Variants in ASB18 observed in about 807,000 individuals in gnomAD.
ASB18 encodes ankyrin repeat and SOCS box protein 18.
In ASB18, 33 loss-of-function variants were observed where a neutral mutation model predicts 33.4. The ratio of observed to expected loss-of-function variants is 0.99; its 90% CI spans 0.75 to 1.32. The LOEUF is 1.32. Ranked by LOEUF, ASB18 falls within the 40% of genes most tolerant of loss-of-function variation. The probability of loss-of-function intolerance (pLI) is 0.00; values close to 1 mark genes in which losing one functional copy is unlikely to be tolerated. For missense variants in ASB18, 694 were observed against 655.5 expected (o/e 1.06, Z -0.64); for synonymous variants, 295 against 307.6 (o/e 0.96, Z 0.43).
intron 1 of ASB18, chr2:236,247,269 A>T (rs2106282928): frequency 6.9e-6 from 1 of 144,058 alleles, no homozygotes; most frequent in Non-Finnish European, 1.5e-5. Context: ...CCACATGTTG[A>T]TGATTACATT....
rs763420074 is a variant in ASB18, at chr2:236,262,832, G to A, written c.205+1309C>T. ...GCAAGAGAAGGTTCCTCCCTAAAGCGACTTGCTTAAGTCCCCACTGAAAGG... is the reference window on the plus strand; with the variant it reads ...GCAAGAGAAGGTTCCTCCCTAAAGCAACTTGCTTAAGTCCCCACTGAAAGG... On this transcript the variant is annotated intron_variant, in intron 1 of 5. Transcript: ENST00000409749. The surrounding 1 kb of genome is among the most constrained non-coding windows in gnomAD (Gnocchi z 5.2). Among the ~76,000 whole-genome samples, 1 of 152,016 alleles carries A rather than the reference G, an allele frequency of 6.6e-6. No homozygotes were observed. The highest frequency in any genetic ancestry group is 6.5e-5 in the Admixed American group (1 of 15,272).
chr2:236,215,836 A>G lies in ASB18; in HGVS notation c.597-970T>C, dbSNP rs2060485136. ...GCTCCCATAGTCACCTGCCATCGAT[A>G]AGGCCGCTCCAGCCTTGGAAGTCTG... On this transcript the variant is annotated intron_variant, in intron 3 of 5. Coordinates refer to ENST00000409749, the MANE Select transcript of ASB18 (RefSeq NM_212556.4). This position sits in a 1 kb window ranked among gnomAD's most constrained non-coding sequence, Gnocchi z 7.2. Among the ~76,000 whole-genome samples the G allele has an allele frequency of 6.6e-6, 1 of 152,090 alleles. No individual in the cohort carries two copies. Among genetic ancestry groups the G allele is most frequent in the Non-Finnish European group, 1.5e-5 (1 of 68,012 alleles).
At chr2:236,224,649 T>C (rs1299680735) in intron 3 of ASB18, among the ~76,000 whole-genome samples, 2 of 152,258 alleles carry the variant, frequency 1.3e-5, no homozygotes, top group Non-Finnish European at 2.9e-5. Flanking sequence ...GTTTCCGTTC[T>C]GTGCAACCTT....
chr2:236,247,304 C>CTCATTCATTCAT (rs140440601), intron 1 of ASB18: 21 of 149,886 alleles, frequency 1.4e-4, no homozygotes, highest in African/African-American at 5.0e-4. Flanking sequence ...TGAAAACCAA[C>CTCATTCATTCAT]TCATTCATTC....
At position 236,250,809 on chromosome 2, in the gene ASB18, C is replaced by T. The variant is rs1000613174; in HGVS notation, c.206-9407G>A. ...TATAAAGTTCTGCTTTTAAGAGTTC[C>T]AGGACACATCCATCCACCAGAGTTA... On this transcript the variant is annotated intron_variant, in intron 1 of 5. Coordinates refer to ENST00000409749, the MANE Select transcript of ASB18 (RefSeq NM_212556.4). This position sits in a 1 kb window ranked among gnomAD's most constrained non-coding sequence, Gnocchi z 4.1. 6.6e-6 allele frequency: 1 copy of T among 152,134 alleles called. No individual in the cohort carries two copies. Among genetic ancestry groups the T allele is most frequent in the Non-Finnish European group, 1.5e-5 (1 of 68,036 alleles). 9.4% of individuals were successfully genotyped at this position (152,134 alleles called of 1,614,324 possible). A position where few individuals can be genotyped will look rare whatever the true frequency, so the allele number is the denominator to read the frequency against.
rs1322253471 is a variant in ASB18, at chr2:236,212,249, T to C, written c.1101+2113A>G. ...TGACCCCATTTCTGTGTGGCTGACA[T>C]AGTACTGGGGATCCCATCCCAGAAC... On this transcript the variant is annotated intron_variant, in intron 4 of 5. Coordinates refer to ENST00000409749, the MANE Select transcript of ASB18 (RefSeq NM_212556.4). Among the ~76,000 whole-genome samples the C allele has an allele frequency of 1.3e-5, 2 of 152,126 alleles. 1 individual carries two copies. Among genetic ancestry groups the C allele is most frequent in the Non-Finnish European group, 2.9e-5 (2 of 68,028 alleles).
intron 3 of ASB18, among the ~76,000 whole-genome samples, chr2:236,232,407 A>T (rs1325262918): frequency 6.6e-6 from 1 of 152,068 alleles, no homozygotes; most frequent in Non-Finnish European, 1.5e-5. Flanking sequence ...AAAGTTCCTG[A>T]CTCAGTGACA....
Position 236,239,468 on chromosome 2 carries a change from CCCAG to C in ASB18, c.329-1516_329-1513del, listed in dbSNP as rs2060611112. 6.7e-6 allele frequency among the ~76,000 whole-genome samples: 1 copy of C among 150,186 alleles called. No individual in the cohort carries two copies. The highest frequency in any genetic ancestry group is 1.5e-5 in the Non-Finnish European group (1 of 67,470). On this transcript the variant is annotated intron_variant, in intron 2 of 5. Transcript: ENST00000409749. This position sits in a 1 kb window ranked among gnomAD's most constrained non-coding sequence, Gnocchi z 5.6. Reference sequence around the variant, plus strand: ...CTTTCTGTAACTCCCGCCCTCTGGTCCCAGTTCTGCCACCAGGAGGGACGTGAAT... The same window carrying C: ...CTTTCTGTAACTCCCGCCCTCTGGTCTTCTGCCACCAGGAGGGACGTGAAT...
rs574936196 is a variant in ASB18 at position 236,215,020 on chromosome 2, G to GAAA, written c.597-157_597-155dup. ...GGCGTCAGGAGTTCAAACTAAACTG[G>GAAA]AAAAAAAAAAAAAAAAAAAGAGATT... On this transcript the variant is annotated intron_variant, in intron 3 of 5. Coordinates refer to ENST00000409749, the MANE Select transcript of ASB18 (RefSeq NM_212556.4). The surrounding 1 kb of genome is among the most constrained non-coding windows in gnomAD (Gnocchi z 7.2). Among the ~76,000 whole-genome samples, 5 of 120,088 alleles carry GAAA rather than the reference G, an allele frequency of 4.2e-5. No individual in the cohort carries two copies. The highest frequency in any genetic ancestry group is 8.9e-5 in the African/African-American group (3 of 33,772). 78.8% of individuals were successfully genotyped at this position (120,088 alleles called of 152,430 possible).
rs2060478363 is a variant in ASB18 at position 236,214,770 on chromosome 2, C to G, written c.693G>C (p.Leu231=). 4 of 1,190,676 alleles carry G rather than the reference C, an allele frequency of 3.4e-6. No homozygotes were observed. In the East Asian group the frequency reaches 1.5e-4, roughly 45 times the overall value. The allele number at this position is 1,190,676 out of a possible 1,614,324, so 73.8% of individuals were successfully genotyped here. ...CCAGGTACAGGCGCGCGTGCTCGTC[C>G]AGGCCGCGCTGCGCCGCCACGTGCA... The part of the protein sequence containing the change: ...TPLHVAAQRG[L]DEHARLYLGR... The change falls in exon 4 of 6, where the codon CTG becomes CTC. Residue 231 remains leucine (L), a synonymous_variant. Coordinates refer to ENST00000409749, the MANE Select transcript of ASB18 (RefSeq NM_212556.4). This position sits in a 1 kb window ranked among gnomAD's most constrained non-coding sequence, Gnocchi z 6.5.
At chr2:236,224,861 T>C (rs1305583033) in intron 3 of ASB18, among the ~76,000 whole-genome samples, 1 of 152,198 alleles carries the variant, frequency 6.6e-6, no homozygotes, top group Non-Finnish European at 1.5e-5. Context: ...CTCTGAGATC[T>C]CATTCTTCAG....
Position 236,238,610 on chromosome 2 carries a change from G to GGTGTGTGTGTGTGT in ASB18, c.329-668_329-655dup, listed in dbSNP as rs149889496. Among the ~76,000 whole-genome samples the GGTGTGTGTGTGTGT allele has an allele frequency of 0.036, 5,416 of 150,318 alleles. 124 individuals carry two copies. The highest frequency in any genetic ancestry group is 0.074 in the African/African-American group (3,020 of 40,848). On this transcript the variant is annotated intron_variant, in intron 2 of 5. Transcript: ENST00000409749. This position sits in a 1 kb window ranked among gnomAD's most constrained non-coding sequence, Gnocchi z 5.2. ...GGTTTGTTTCTTTGCGCTTTTTAGG[G>GGTGTGTGTGTGTGT]GTGTGTGTGTGTGTGTGTGTAGGGT...
chr2:236,263,169 A>T lies in ASB18; in HGVS notation c.205+972T>A, dbSNP rs547426185. ...AAACAGCACAATACAACTAAAAGTA[A>T]ATCACAGGTCAGGAAAACACTTTCA... On this transcript the variant is annotated intron_variant, in intron 1 of 5. Transcript: ENST00000409749. The surrounding 1 kb of genome is among the most constrained non-coding windows in gnomAD (Gnocchi z 4.0). Among the ~76,000 whole-genome samples the T allele has an allele frequency of 1.3e-5, 2 of 152,356 alleles. No homozygotes were observed. Among genetic ancestry groups the T allele is most frequent in the Admixed American group, 6.5e-5 (1 of 15,302 alleles).
rs1363396572 is a variant in ASB18 at position 236,263,870 on chromosome 2, A to G, written c.205+271T>C. On this transcript the variant is annotated intron_variant, in intron 1 of 5. Coordinates refer to ENST00000409749, the MANE Select transcript of ASB18 (RefSeq NM_212556.4). The surrounding 1 kb of genome is among the most constrained non-coding windows in gnomAD (Gnocchi z 4.0). Reference sequence around the variant, plus strand: ...TCAGTGGGTGAAATTTACACACGCAAATGGACAGGCTTGGAAAACAATGGA... The same window carrying G: ...TCAGTGGGTGAAATTTACACACGCAGATGGACAGGCTTGGAAAACAATGGA... 6.6e-6 allele frequency among the ~76,000 whole-genome samples: 1 copy of G among 152,228 alleles called. No individual in the cohort carries two copies. The highest frequency in any genetic ancestry group is 2.4e-5 in the African/African-American group (1 of 41,444).
chr2:236,214,735 G>T lies in ASB18; in HGVS notation c.728C>A (p.Ala243Glu), dbSNP rs1190969560. The change falls in exon 4 of 6, where the codon GCG becomes GAG. Residue 243 changes from alanine to glutamate, a missense_variant. Physicochemically the swap from Ala to Glu is moderately radical, Grantham distance 107. Coordinates refer to ENST00000409749, the MANE Select transcript of ASB18 (RefSeq NM_212556.4). The surrounding 1 kb of genome is among the most constrained non-coding windows in gnomAD (Gnocchi z 6.5). The stretch of plus-strand genomic sequence containing the variant: ...GCGGCCGTTCCTCGCGTCCACGTGC[G>T]CCCCGCGGCCCAGGTACAGGCGCGC... ...EHARLYLGRG[A>E]HVDARNGRGE... 8.6e-7 allele frequency: 1 copy of T among 1,164,228 alleles called. No homozygotes were observed. The highest frequency in any genetic ancestry group is 4.1e-5 in the East Asian group (1 of 24,346). 72.1% of individuals were successfully genotyped at this position (1,164,228 alleles called of 1,614,324 possible).
In ASB18 at chr2:236,200,486, C is replaced by A. The variant is rs1333312240; in HGVS notation, c.1102-4101G>T. On this transcript the variant is annotated intron_variant, in intron 4 of 5. Coordinates refer to ENST00000409749, the MANE Select transcript of ASB18 (RefSeq NM_212556.4). The surrounding 1 kb of genome is among the most constrained non-coding windows in gnomAD (Gnocchi z 4.2). ...ATGTGGGGTCGTGGCAGAGGTATTACCACCCTGGGCTGAAGGGCCAGTCAG... is the reference window on the plus strand; with the variant it reads ...ATGTGGGGTCGTGGCAGAGGTATTAACACCCTGGGCTGAAGGGCCAGTCAG... 1.3e-5 allele frequency among the ~76,000 whole-genome samples: 2 copies of A among 152,188 alleles called. No individual in the cohort carries two copies. The highest frequency in any genetic ancestry group is 4.8e-5 in the African/African-American group (2 of 41,438).
chr2:236,222,786 G>A lies in ASB18; in HGVS notation c.597-7920C>T, dbSNP rs536581818. ...TGTAATCCCAACACTTTGGGAGGCC[G>A]AGGTATGTGGATCACCTGAGTTCAG... On this transcript the variant is annotated intron_variant, in intron 3 of 5. Transcript: ENST00000409749. The surrounding 1 kb of genome is among the most constrained non-coding windows in gnomAD (Gnocchi z 5.5). Among the ~76,000 whole-genome samples, 5 of 152,324 alleles carry A rather than the reference G, an allele frequency of 3.3e-5. No homozygotes were observed. Among genetic ancestry groups the A allele is most frequent in the African/African-American group, 9.6e-5 (4 of 41,574 alleles).
rs2060712901 is a variant in ASB18 at position 236,260,507 on chromosome 2, CCAT to C, written c.205+3631_205+3633del. ...CTTAGAATCCAAACAGCTCTTTCTC[CCAT>C]CAAGGATGGTCCCCCCAAACTCGCC... On this transcript the variant is annotated intron_variant, in intron 1 of 5. Transcript: ENST00000409749. This position sits in a 1 kb window ranked among gnomAD's most constrained non-coding sequence, Gnocchi z 5.1. Among the ~76,000 whole-genome samples the C allele has an allele frequency of 6.6e-6, 1 of 152,178 alleles. No homozygotes were observed. Among genetic ancestry groups the C allele is most frequent in the Non-Finnish European group, 1.5e-5 (1 of 68,038 alleles).
rs771980462 is a variant in ASB18, at chr2:236,264,149, A to G, written c.197T>C (p.Met66Thr). Residue 66 changes from methionine to threonine, a missense_variant, in exon 1 of 6, where the codon ATG (methionine) becomes ACG (threonine). By Grantham distance (81) the Met-to-Thr change is moderately conservative. Transcript: ENST00000409749. The surrounding 1 kb of genome is among the most constrained non-coding windows in gnomAD (Gnocchi z 5.1). The part of the protein sequence containing the change: ...KDPSAQLPTG[M>T]LLGDLDHLKP... ...AGGCTCGTTCTGGTTACCTAGCAGC[A>G]TGCCGGTGGGCAGCTGAGCCGAGGG... 1.1e-5 allele frequency: 18 copies of G among 1,613,818 alleles called. No individual in the cohort carries two copies. In the Middle Eastern group the frequency reaches 8.3e-4, roughly 75 times the overall value.
Sources: gnomAD v4.1 joint callset for allele counts (sites outside exome capture counted in the v4.1 genomes callset) on GRCh38, gnomAD v4.1.1 for gene constraint, Gnocchi (gnomAD v3.1) non-coding constraint, MANE v1.5 for transcripts, NCBI Gene and HGNC (gene_info 2026-07-23, HGNC 2026-07-21) for gene names.